PDE10A: variants seen among roughly 807,000 people sequenced by gnomAD.
PDE10A encodes phosphodiesterase 10A, also known as cAMP and cAMP-inhibited cGMP 3',5'-cyclic phosphodiesterase 10A.
PDE10A carries 39 observed loss-of-function variants against 97.7 expected under a neutral mutation model. The ratio of observed to expected loss-of-function variants is 0.40; its 90% CI spans 0.31 to 0.52. The LOEUF is 0.52. PDE10A is among the 20% of genes least tolerant of loss of function. The probability of loss-of-function intolerance (pLI) is 0.56; values close to 1 mark genes in which losing one functional copy is unlikely to be tolerated. For missense variants in PDE10A, 731 were observed against 1,047.8 expected (o/e 0.70, Z 4.17); for synonymous variants, 371 against 376.8 (o/e 0.98, Z 0.18).
At chr6:165,717,575 C>T (rs1172940097) in intron 1 of PDE10A, among the ~76,000 whole-genome samples, 4 of 127,730 alleles carry the variant, frequency 3.1e-5, no homozygotes, top group Non-Finnish European at 5.2e-5. Context: ...CAGAGAGAGA[C>T]TCCGTCTCAA....
At chr6:165,417,501 A>G (rs866016781) in intron 11 of PDE10A, among the ~76,000 whole-genome samples, 4 of 152,342 alleles carry the variant, frequency 2.6e-5, no homozygotes, top group Non-Finnish European at 2.9e-5. Flanking sequence ...GCTTATAAAC[A>G]CAGGCTTTAA....
chr6:165,825,061 C>CT (rs1779690985), intron 1 of PDE10A, among the ~76,000 whole-genome samples: 1 of 147,258 alleles, frequency 6.8e-6, no homozygotes, highest in Non-Finnish European at 1.5e-5. Context: ...AGGCAGAGAA[C>CT]TGCTTGAACC....
At chr6:165,854,908 G>A (rs1230605817) in intron 1 of PDE10A, among the ~76,000 whole-genome samples, 1 of 152,188 alleles carries the variant, frequency 6.6e-6, no homozygotes, top group Non-Finnish European at 1.5e-5. Flanking sequence ...CGGGTCCCAG[G>A]GGATGCGGGA....
At chr6:165,938,155 G>A (rs1783396494) in intron 1 of PDE10A, among the ~76,000 whole-genome samples, 1 of 152,182 alleles carries the variant, frequency 6.6e-6, no homozygotes, top group African/African-American at 2.4e-5. Context: ...TGGCATTCTC[G>A]AAGCACAACT....
At chr6:165,709,715 C>A (rs75430987) in intron 1 of PDE10A, among the ~76,000 whole-genome samples, 7,361 of 121,198 alleles carry the variant, frequency 0.061, 337 homozygotes, top group Middle Eastern at 0.15. Context: ...GGCACTGTCC[C>A]CCCACTCTCT....
chr6:165,865,549 T>C (rs1242292862), intron 1 of PDE10A, among the ~76,000 whole-genome samples: 1 of 151,814 alleles, frequency 6.6e-6, no homozygotes, highest in East Asian at 1.9e-4. Context: ...AAAAACCAAA[T>C]CATGATCTGA....
chr6:165,942,336 C>A (rs1783553476), intron 1 of PDE10A, among the ~76,000 whole-genome samples: 2 of 151,600 alleles, frequency 1.3e-5, no homozygotes, highest in African/African-American at 2.4e-5. Flanking sequence ...ACACACACAC[C>A]CCTTCACAAA....
rs116404793 is a variant in PDE10A at position 165,587,215 on chromosome 6, G to A, written c.866-43647C>T. ...GAAGACAGTAAATATCCATGGAACA[G>A]GTCAATGCACAGAATATGTGGGTGG... On this transcript the variant is annotated intron_variant, in intron 1 of 21. Transcript: ENST00000539869. Among the ~76,000 whole-genome samples, 1,128 of 152,266 alleles carry A rather than the reference G, an allele frequency of 7.4e-3. 13 individuals carry two copies. Among genetic ancestry groups the A allele is most frequent in the African/African-American group, 0.025 (1,020 of 41,546 alleles).
At chr6:165,641,127 G>T (rs1441960362) in intron 1 of PDE10A, among the ~76,000 whole-genome samples, 1 of 152,212 alleles carries the variant, frequency 6.6e-6, no homozygotes, top group Non-Finnish European at 1.5e-5. Flanking sequence ...AATAGAGGAG[G>T]ATGGCCAGGC....
At chr6:165,943,030 C>A (rs1783585462) in intron 1 of PDE10A, among the ~76,000 whole-genome samples, 1 of 151,368 alleles carries the variant, frequency 6.6e-6, no homozygotes, top group South Asian at 2.1e-4. Flanking sequence ...CACACCCACC[C>A]ATAGGATTTT....
chr6:165,542,490 C>A lies in PDE10A; in HGVS notation c.994+950G>T, dbSNP rs148937218. Among the ~76,000 whole-genome samples the A allele has an allele frequency of 3.9e-3, 593 of 152,120 alleles. 2 individuals are homozygous for A. Among genetic ancestry groups the A allele is most frequent in the Non-Finnish European group, 7.0e-3 (476 of 68,010 alleles). ...GCAAAGAGACTCCTACTGTAGAAAG[C>A]TACTTTGCAGAAAATTTAAACCACG... On this transcript the variant is annotated intron_variant, in intron 2 of 21. Coordinates refer to ENST00000539869, the MANE Select transcript of PDE10A (RefSeq NM_001385079.1).
intron 13 of PDE10A, among the ~76,000 whole-genome samples, chr6:165,399,647 T>C (rs914546864): frequency 2.7e-5 from 4 of 149,764 alleles, no homozygotes; most frequent in Non-Finnish European, 5.9e-5. Context: ...CATTGTTCAA[T>C]TCCCACCTAT....
At chr6:165,984,028 A>G (rs546926565) in intron 1 of PDE10A, among the ~76,000 whole-genome samples, 1 of 152,384 alleles carries the variant, frequency 6.6e-6, no homozygotes, top group South Asian at 2.1e-4. Context: ...CCAAAGAAAT[A>G]CATTCCCAAC....
chr6:165,943,252 AAGGAAGGAAGGAAGGAAGGAAG>A, intron 1 of PDE10A, among the ~76,000 whole-genome samples: 1 of 102,904 alleles, frequency 9.7e-6, no homozygotes, highest in African/African-American at 4.3e-5. Context: ...GGAAGGAAGG[AAGGAAGGAAGGAAGGAAGGAAG>A]GAAAGAAAGA....
At chr6:165,703,431 C>G (rs998045897) in intron 1 of PDE10A, among the ~76,000 whole-genome samples, 1 of 152,204 alleles carries the variant, frequency 6.6e-6, no homozygotes, top group African/African-American at 2.4e-5. Context: ...GATAACCCAC[C>G]ACTAGGCTCC....
At chr6:165,342,461 A>G (rs1269212511) in intron 19 of PDE10A, among the ~76,000 whole-genome samples, 1 of 152,248 alleles carries the variant, frequency 6.6e-6, no homozygotes, top group South Asian at 2.1e-4. Context: ...CCGGGAGTAT[A>G]ATCAACTCAA....
chr6:165,842,826 C>G (rs150753795), intron 1 of PDE10A, among the ~76,000 whole-genome samples: 1 of 152,300 alleles, frequency 6.6e-6, no homozygotes, highest in African/African-American at 2.4e-5. Flanking sequence ...GCAGTTAAAA[C>G]GGACTTGGAA....
intron 1 of PDE10A, among the ~76,000 whole-genome samples, chr6:165,768,534 T>C (rs1777923998): frequency 6.6e-6 from 1 of 152,152 alleles, no homozygotes. Flanking sequence ...TATAGGGAAA[T>C]CAAAGATTAT....
Position 165,418,830 on chromosome 6 carries a change from G to A in PDE10A, c.1654-53C>T. The A allele has an allele frequency of 6.8e-7, 1 of 1,472,984 alleles. No homozygotes were observed. Among genetic ancestry groups the A allele is most frequent in the Non-Finnish European group, 9.4e-7 (1 of 1,063,106 alleles). 91.2% of individuals were successfully genotyped at this position (1,472,984 alleles called of 1,614,324 possible). A position where few individuals can be genotyped will look rare whatever the true frequency, so the allele number is the denominator to read the frequency against. ...AGACAATGAGACATTCAAAGAACTT[G>A]CAGGTAAACTTTATCATAAAATAAG... On this transcript the variant is annotated intron_variant, in intron 10 of 21. Transcript: ENST00000539869. This position sits in a 1 kb window ranked among gnomAD's most constrained non-coding sequence, Gnocchi z 4.8.
Sources: gnomAD v4.1 joint callset for allele counts (sites outside exome capture counted in the v4.1 genomes callset) on GRCh38, gnomAD v4.1.1 for gene constraint, Gnocchi (gnomAD v3.1) non-coding constraint, MANE v1.5 for transcripts, NCBI Gene and HGNC (gene_info 2026-07-23, HGNC 2026-07-21) for gene names.